Variants in RFC1 observed in about 807,000 individuals in gnomAD.
RFC1 encodes replication factor C subunit 1, also known as A1 140 kDa subunit.
In RFC1, 37 loss-of-function variants were observed where a neutral mutation model predicts 137.4. The ratio of observed to expected loss-of-function variants is 0.27; its 90% CI spans 0.21 to 0.35. RFC1 has a LOEUF of 0.35. Ranked by LOEUF, RFC1 falls within the 10% of genes least tolerant of loss-of-function variation. The probability of loss-of-function intolerance (pLI) is 1.00; values close to 1 mark genes in which losing one functional copy is unlikely to be tolerated. For synonymous variants in RFC1, 429 were observed against 455.7 expected (o/e 0.94, Z 0.75); for missense variants, 1,205 against 1,358.5 (o/e 0.89, Z 1.78).
Position 39,327,555 on chromosome 4 carries a change from T to C in RFC1, c.533A>G (p.Asn178Ser), listed in dbSNP as rs1560608140. The change falls in exon 5 of 25, where the codon AAT becomes AGT. Residue 178 changes from asparagine to serine, a missense_variant. By Grantham distance (46) the Asn-to-Ser change is conservative. Transcript: ENST00000349703. ...TCTTTTGCTTGCCACCATCTTCTTA[T>C]TAGATCTTTGGACACTTCCAGTTCC... ...YFGTGSVQRS[N>S]KKMVASKRKE... 1 of 1,612,494 alleles carries C rather than the reference T, an allele frequency of 6.2e-7. No homozygotes were observed. The highest frequency in any genetic ancestry group is 8.5e-7 in the Non-Finnish European group (1 of 1,179,582).
At chr4:39,305,441 G>A (rs945156459) in intron 14 of RFC1, among the ~76,000 whole-genome samples, 1 of 151,658 alleles carries the variant, frequency 6.6e-6, no homozygotes, top group African/African-American at 2.4e-5. Context: ...ACCCCATCTC[G>A]ACTAAAAATA....
intron 6 of RFC1, among the ~76,000 whole-genome samples, chr4:39,326,275 C>T (rs1385474691): frequency 1.3e-5 from 2 of 152,184 alleles, no homozygotes; most frequent in African/African-American, 4.8e-5. Flanking sequence ...TAATTAACAT[C>T]CTTTTTGTAG....
At chr4:39,353,410 A>AAAT (rs1741310683) in intron 1 of RFC1, among the ~76,000 whole-genome samples, 1 of 150,916 alleles carries the variant, frequency 6.6e-6, no homozygotes, top group Non-Finnish European at 1.5e-5. Flanking sequence ...AAAAAAAAAA[A>AAAT]AAAAAAAAAA....
intron 7 of RFC1, chr4:39,321,947 T>C (rs1441102880): frequency 8.0e-6 from 1 of 124,670 alleles, no homozygotes; most frequent in Non-Finnish European, 1.9e-5. Context: ...ACTGTCTTAA[T>C]ACCTGCCTGT....
intron 15 of RFC1, among the ~76,000 whole-genome samples, chr4:39,304,307 C>A (rs930489449): frequency 6.6e-6 from 1 of 152,140 alleles, no homozygotes; most frequent in Non-Finnish European, 1.5e-5. Context: ...ACTACCTTTG[C>A]CTGCAGTGAC....
intron 1 of RFC1, among the ~76,000 whole-genome samples, chr4:39,364,237 T>C (rs1027618468): frequency 6.7e-6 from 1 of 148,370 alleles, no homozygotes; most frequent in Non-Finnish European, 1.5e-5. Flanking sequence ...AGAACTACTG[T>C]CCTTCATACC....
intron 4 of RFC1, among the ~76,000 whole-genome samples, chr4:39,332,812 G>A (rs1210109010): frequency 2.0e-5 from 3 of 152,152 alleles, no homozygotes; most frequent in Admixed American, 2.0e-4. Context: ...TTAGGTTACT[G>A]GGAAGATTAA....
chr4:39,304,842 G>A lies in RFC1; in HGVS notation c.2082C>T (p.Asn694=), dbSNP rs1285920988. ...SLKAIVAESL[N]NTSIKGFYSN... ...AATAAAAGCCTTTGATGCTGGTATT[G>A]TTCAGTGACTCAGCAACAATCGCCT... Residue 694 remains asparagine (N), a synonymous_variant, in exon 15 of 25, where the codon AAC becomes AAT. Transcript: ENST00000349703. 2 of 1,610,670 alleles carry A rather than the reference G, an allele frequency of 1.2e-6. No individual in the cohort carries two copies. Among genetic ancestry groups the A allele is most frequent in the Admixed American group, 1.7e-5 (1 of 60,010 alleles).
intron 17 of RFC1, 52 bp from the exon 18 acceptor site, chr4:39,302,647 G>A (rs1314602663): frequency 1.3e-6 from 2 of 1,484,564 alleles, no homozygotes; most frequent in Non-Finnish European, 9.2e-7. Context: ...ATATAATCAG[G>A]TATTTTAAAA....
intron 4 of RFC1, among the ~76,000 whole-genome samples, chr4:39,333,149 A>C (rs893276663): frequency 1.6e-4 from 25 of 152,236 alleles, no homozygotes; most frequent in Non-Finnish European, 2.9e-4. Context: ...GATCTTCTGT[A>C]AAATGTTGGA....
At position 39,306,712 on chromosome 4, in the gene RFC1, A is replaced by G. The variant is rs770533732; in HGVS notation, c.1886-11T>C. ...ATTTACCAAACTTTGCTGCTAGGAA[A>G]AAAGAAGTTCCAGAGTGTCAACCTA... On this transcript the variant is annotated splice_polypyrimidine_tract_variant and intron_variant, in intron 13 of 24. Coordinates refer to ENST00000349703, the MANE Select transcript of RFC1 (RefSeq NM_002913.5). The G allele has an allele frequency of 4.5e-6, 7 of 1,557,200 alleles. No individual in the cohort carries two copies. The African/African-American group carries it at 9.5e-5, about 21-fold the overall frequency.
chr4:39,298,510 A>G (rs1348511115), intron 21 of RFC1, among the ~76,000 whole-genome samples: 1 of 152,192 alleles, frequency 6.6e-6, no homozygotes, highest in East Asian at 1.9e-4. Flanking sequence ...ACAAATGTCT[A>G]TCAAATTCTG....
At chr4:39,320,827 AATAC>A (rs1305490091) in intron 8 of RFC1, among the ~76,000 whole-genome samples, 158 bp from the exon 9 acceptor site, 8 of 152,196 alleles carry the variant, frequency 5.3e-5, no homozygotes, top group African/African-American at 1.9e-4. Context: ...TAAATCTATA[AATAC>A]ATTTACTTAT....
chr4:39,337,076 T>C (rs1241315618), intron 4 of RFC1, among the ~76,000 whole-genome samples: 1 of 152,140 alleles, frequency 6.6e-6, no homozygotes, highest in Non-Finnish European at 1.5e-5. Context: ...CATTAAGTTA[T>C]GAAAAAGCAA....
intron 13 of RFC1, among the ~76,000 whole-genome samples, chr4:39,307,142 T>A (rs7686272): frequency 0.07 from 10,680 of 152,170 alleles, 1,268 homozygotes; most frequent in African/African-American, 0.24. Context: ...GCTAAGGATG[T>A]TGTGAGGACG....
At chr4:39,307,739 A>AC (rs573134333) in intron 13 of RFC1, among the ~76,000 whole-genome samples, 58 of 151,468 alleles carry the variant, frequency 3.8e-4, no homozygotes, top group Non-Finnish European at 4.9e-4. Flanking sequence ...ACAAAACAAA[A>AC]AAAAAACAGT....
chr4:39,335,581 T>C (rs148955384), intron 4 of RFC1, among the ~76,000 whole-genome samples: 2 of 152,322 alleles, frequency 1.3e-5, no homozygotes, highest in Non-Finnish European at 2.9e-5. Context: ...GCTTGAAATG[T>C]GATGTTATCC....
At chr4:39,298,970 C>T (rs1342648889) in intron 21 of RFC1, among the ~76,000 whole-genome samples, 2 of 152,166 alleles carry the variant, frequency 1.3e-5, no homozygotes, top group South Asian at 2.1e-4. Context: ...TGGCCATAAA[C>T]AAAATCTCTG....
chr4:39,333,017 C>A, intron 4 of RFC1, among the ~76,000 whole-genome samples: 1 of 152,122 alleles, frequency 6.6e-6, no homozygotes. Context: ...CATGTTACAG[C>A]CATTCAATAA....
Sources: allele counts gnomAD v4.1 joint callset (sites outside exome capture counted in the v4.1 genomes callset), GRCh38; gene constraint gnomAD v4.1.1; transcripts MANE v1.5; gene names NCBI Gene and HGNC (gene_info 2026-07-23, HGNC 2026-07-21).